FGF10: variants seen among roughly 807,000 people sequenced by gnomAD.
FGF10 encodes the protein fibroblast growth factor 10.
FGF10 carries 2 observed loss-of-function variants against 19.8 expected under a neutral mutation model. That is an observed-to-expected ratio of 0.10 (90% CI 0.04 to 0.32). The LOEUF (loss-of-function observed/expected upper bound fraction) is 0.32, where lower values mean the gene tolerates loss of function less well. Ranked by LOEUF, FGF10 falls within the 10% of genes least tolerant of loss-of-function variation. The probability of loss-of-function intolerance (pLI) is 1.00; values close to 1 mark genes in which losing one functional copy is unlikely to be tolerated. For missense variants in FGF10, 191 were observed against 246.3 expected, an observed-to-expected ratio of 0.78 and a Z score of 1.50; for synonymous variants, 112 against 94.0, an observed-to-expected ratio of 1.19 and a Z score of -1.10.
At chr5:44,384,405 C>A (rs563267810) in intron 1 of FGF10, among the ~76,000 whole-genome samples, 2 of 152,046 alleles carry the variant, frequency 1.3e-5, no homozygotes, top group African/African-American at 2.4e-5. Flanking sequence ...TGCAATGACA[C>A]GTTTAATGTA....
At chr5:44,305,888 T>C (rs1378765419) in intron 2 of FGF10, among the ~76,000 whole-genome samples, 5 of 152,206 alleles carry the variant, frequency 3.3e-5, no homozygotes, top group African/African-American at 4.8e-5. Context: ...GAAGAAATTA[T>C]GAGCATGGTG....
At chr5:44,310,623 T>A in intron 1 of FGF10, 93 bp from the exon 2 acceptor site, 2 of 953,968 alleles carry the variant, frequency 2.1e-6, no homozygotes, top group Non-Finnish European at 3.3e-6. Context: ...TTGTTTTTTG[T>A]GTGGTTCTAA....
intron 1 of FGF10, among the ~76,000 whole-genome samples, chr5:44,351,228 C>T (rs939646521): frequency 4.0e-5 from 6 of 151,478 alleles, no homozygotes; most frequent in African/African-American, 1.5e-4. Flanking sequence ...AAAAGACATG[C>T]TTTAAACACA....
intron 1 of FGF10, among the ~76,000 whole-genome samples, chr5:44,349,059 A>G (rs1323567574): frequency 6.6e-6 from 1 of 151,470 alleles, no homozygotes; most frequent in Non-Finnish European, 1.5e-5. Flanking sequence ...TAACATTTGC[A>G]GCTAAAAAGA....
chr5:44,310,386 G>T, intron 2 of FGF10, 41 bp downstream of exon 2: 2 of 1,375,670 alleles, frequency 1.5e-6, no homozygotes, highest in Non-Finnish European at 1.0e-6. Context: ...TATGGTAATG[G>T]TTTACTGGAG....
chr5:44,318,747 G>A (rs1442555939), intron 1 of FGF10, among the ~76,000 whole-genome samples: 1 of 152,114 alleles, frequency 6.6e-6, no homozygotes, highest in Non-Finnish European at 1.5e-5. Context: ...TTATGATACA[G>A]AAGCTTTGGC....
At chr5:44,330,217 G>C (rs1025218781) in intron 1 of FGF10, among the ~76,000 whole-genome samples, 1 of 152,194 alleles carries the variant, frequency 6.6e-6, no homozygotes, top group African/African-American at 2.4e-5. Context: ...TGGCAGTTGA[G>C]ACTTCGCTTT....
chr5:44,318,976 ATT>A lies in FGF10; in HGVS notation c.326-8448_326-8447del, dbSNP rs1370668421. Among the ~76,000 whole-genome samples the A allele has an allele frequency of 3.9e-5, 6 of 152,298 alleles. No individual in the cohort carries two copies. The South Asian group carries it at 8.3e-4, about 21-fold the overall frequency. On this transcript the variant is annotated intron_variant, in intron 1 of 2. Coordinates refer to ENST00000264664, the MANE Select transcript of FGF10 (RefSeq NM_004465.2). ...GAGAAGATTTCGAAGAAATCTAGAT[ATT>A]GTCTGTTTCATATCCAATTCTCTTT... is the stretch of plus-strand genomic sequence containing the variant.
intron 1 of FGF10, among the ~76,000 whole-genome samples, chr5:44,382,831 A>C (rs180941071): frequency 6.6e-6 from 1 of 152,250 alleles, no homozygotes; most frequent in East Asian, 1.9e-4. Context: ...AATTTCTGGA[A>C]GGAAAATTCT....
Position 44,304,624 on chromosome 5 carries a change from C to T in FGF10, c.*371G>A. On this transcript the variant is annotated 3_prime_UTR_variant, in exon 3 of 3. Coordinates refer to ENST00000264664, the MANE Select transcript of FGF10 (RefSeq NM_004465.2). ...AAGTCTTTGATATGAGTTCGTATTC[C>T]ATAAATAACTTTCCCGAAGATCGTT... 1 of 263,632 alleles carries T rather than the reference C, an allele frequency of 3.8e-6. No homozygotes were observed. Among genetic ancestry groups the T allele is most frequent in the East Asian group, 9.4e-5 (1 of 10,592 alleles). 16.3% of individuals were successfully genotyped at this position (263,632 alleles called of 1,614,324 possible).
At chr5:44,386,787 A>G (rs2111934031) in intron 1 of FGF10, among the ~76,000 whole-genome samples, 1 of 152,302 alleles carries the variant, frequency 6.6e-6, no homozygotes, top group Non-Finnish European at 1.5e-5. Flanking sequence ...AATTTTAGTA[A>G]ATAGAACCAG....
rs1222784535 is a variant in FGF10, at chr5:44,303,090, C to T, written c.*1905G>A. Among the ~76,000 whole-genome samples the T allele has an allele frequency of 6.6e-6, 1 of 151,974 alleles. No homozygotes were observed. The highest frequency in any genetic ancestry group is 1.5e-5 in the Non-Finnish European group (1 of 67,982). On this transcript the variant is annotated 3_prime_UTR_variant, in exon 3 of 3. Coordinates refer to ENST00000264664, the MANE Select transcript of FGF10 (RefSeq NM_004465.2). ...TTAAACATTTTTATAATCTCATTTGCCAAAAAGCAAGTTGGAAGCAAAGTA... is the reference window on the plus strand; with the variant it reads ...TTAAACATTTTTATAATCTCATTTGTCAAAAAGCAAGTTGGAAGCAAAGTA...
rs1579902002 is a variant in FGF10, at chr5:44,320,322, G to T, written c.326-9792C>A. Among the ~76,000 whole-genome samples the T allele has an allele frequency of 2.0e-5, 3 of 152,102 alleles. No homozygotes were observed. The East Asian group carries it at 5.8e-4, about 29-fold the overall frequency. ...GTCCATGTATGGCCCATCCATTATT[G>T]TATTTACCACTTCCACCCATGCTTC... On this transcript the variant is annotated intron_variant, in intron 1 of 2. Transcript: ENST00000264664.
intron 1 of FGF10, among the ~76,000 whole-genome samples, chr5:44,374,887 T>TC: frequency 6.6e-6 from 1 of 151,610 alleles, no homozygotes; most frequent in Non-Finnish European, 1.5e-5. Context: ...GATTACACAT[T>TC]TTTTTAATTC....
At position 44,388,536 on chromosome 5, in the gene FGF10, G is replaced by A. The variant is rs1446604249; in HGVS notation, c.147C>T (p.Ala49=). ...ALGQDMVSPE[A]TNSSSSSFSS... is the part of the protein sequence containing the mutation. ...AGAAGGAGGAGGAAGAAGAGTTGGT[G>A]GCCTCTGGTGACACCATGTCCTGAC... is the stretch of plus-strand genomic sequence containing the variant. The change falls in exon 1 of 3, where the codon GCC becomes GCT. Residue 49 remains alanine, a synonymous_variant. Transcript: ENST00000264664. The A allele has an allele frequency of 6.2e-7, 1 of 1,614,030 alleles. No individual in the cohort carries two copies. Among genetic ancestry groups the A allele is most frequent in the African/African-American group, 1.3e-5 (1 of 74,926 alleles).
At chr5:44,353,517 T>C (rs1355618551) in intron 1 of FGF10, among the ~76,000 whole-genome samples, 1 of 151,576 alleles carries the variant, frequency 6.6e-6, no homozygotes, top group African/African-American at 2.4e-5. Context: ...ATTTTTAAAT[T>C]GCGTCAAGCC....
At chr5:44,362,347 T>G (rs1013609862) in intron 1 of FGF10, among the ~76,000 whole-genome samples, 1 of 151,678 alleles carries the variant, frequency 6.6e-6, no homozygotes, top group African/African-American at 2.4e-5. Context: ...CCTAGTATTC[T>G]TGCTCCAAAC....
intron 1 of FGF10, among the ~76,000 whole-genome samples, chr5:44,357,545 C>A (rs1741376825): frequency 6.6e-6 from 1 of 151,416 alleles, no homozygotes; most frequent in South Asian, 2.1e-4. Flanking sequence ...CAATTAGTAT[C>A]CCTGTTTTAC....
rs116511074 is a variant in FGF10, at chr5:44,305,901, T to G, written c.430-709A>C. Among the ~76,000 whole-genome samples, 3 of 152,178 alleles carry G rather than the reference T, an allele frequency of 2.0e-5. No homozygotes were observed. In the East Asian group the frequency reaches 5.8e-4, roughly 29 times the overall value. Reference sequence around the variant, plus strand: ...TTGAAGAAATTATGAGCATGGTGAATAGCAATGCCTACATTGTATCTTAAG... The same window carrying G: ...TTGAAGAAATTATGAGCATGGTGAAGAGCAATGCCTACATTGTATCTTAAG... On this transcript the variant is annotated intron_variant, in intron 2 of 2. Transcript: ENST00000264664.
Sources: allele counts gnomAD v4.1 joint callset (sites outside exome capture counted in the v4.1 genomes callset), GRCh38; gene constraint gnomAD v4.1.1; transcripts MANE v1.5; gene names NCBI Gene and HGNC (gene_info 2026-07-23, HGNC 2026-07-21).